Variants in ANK2 observed in about 807,000 individuals in gnomAD.
ANK2 encodes the protein ankyrin 2.
A neutral mutation model predicts 360.5 loss-of-function variants in ANK2; 83 were observed. The observed-to-expected ratio is 0.23, with a 90% CI of 0.19 to 0.28. ANK2 has a LOEUF of 0.28. Among genes scored for constraint, ANK2 ranks in the 10% least tolerant of loss-of-function variants. The pLI is 1.00. For synonymous variants in ANK2, 1,740 were observed against 1,759.5 expected, an observed-to-expected ratio of 0.99 and a Z score of 0.28; for missense variants, 4,201 against 4,795.7, an observed-to-expected ratio of 0.88 and a Z score of 3.66.
At chr4:113,124,549 G>C (rs13131795) in intron 1 of ANK2, among the ~76,000 whole-genome samples, 104,609 of 151,878 alleles carry the variant, frequency 0.69, 36,309 homozygotes, top group African/African-American at 0.72. Context: ...CTCTCTCACT[G>C]TCTTTCTGGT....
chr4:113,117,792 C>T (rs1271762703), intron 1 of ANK2, among the ~76,000 whole-genome samples: 2 of 152,026 alleles, frequency 1.3e-5, no homozygotes, highest in East Asian at 3.9e-4. Context: ...CTTCTTGTTC[C>T]TCATCTCTAT....
At chr4:112,904,467 A>C in exon 2 of ANK2, 1 of 1,487,832 alleles carries the variant, frequency 6.7e-7, no homozygotes, top group Non-Finnish European at 9.1e-7. Context: ...AAGTAATGAA[A>C]AGAGACATGA....
chr4:113,253,353 A>G (rs533445915), intron 10 of ANK2, among the ~76,000 whole-genome samples: 1 of 152,188 alleles, frequency 6.6e-6, no homozygotes, highest in East Asian at 1.9e-4. Context: ...CTCACTTACT[A>G]TGAAATCTCA....
At chr4:112,878,859 G>C (rs1366425571) in intron 1 of ANK2, among the ~76,000 whole-genome samples, 4 of 151,904 alleles carry the variant, frequency 2.6e-5, no homozygotes, top group Non-Finnish European at 5.9e-5. Flanking sequence ...TCCTGACCTC[G>C]TGATCTGCCC....
chr4:113,213,016 A>C (rs2099042887), intron 4 of ANK2, among the ~76,000 whole-genome samples: 1 of 152,224 alleles, frequency 6.6e-6, no homozygotes, highest in Admixed American at 6.5e-5. Flanking sequence ...TTAATTGTTA[A>C]AACACTTATA....
chr4:113,374,726 A>G, intron 45 of ANK2: 1 of 1,006,730 alleles, frequency 9.9e-7, no homozygotes, highest in Non-Finnish European at 1.2e-6. Context: ...TACATTTGGC[A>G]ATCAGACATT....
Position 112,863,578 on chromosome 4 carries a change from A to T in ANK2, c.-39-40877A>T, listed in dbSNP as rs572922044. On this transcript the variant is annotated intron_variant, in intron 1 of 30. Transcript: ENST00000503271. ...CGCTCTGTCACCCAGGCTGGAGTGC[A>T]GTGGCGCGATCTCGGCTCACTGCAA... is the stretch of plus-strand genomic sequence containing the variant. 1.9e-4 allele frequency among the ~76,000 whole-genome samples: 24 copies of T among 128,062 alleles called. No homozygotes were observed. In the East Asian group the frequency reaches 5.6e-3, roughly 30 times the overall value. 84.0% of individuals were successfully genotyped at this position (128,062 alleles called of 152,430 possible). A position where few individuals can be genotyped will look rare whatever the true frequency, so the allele number is the denominator to read the frequency against.
At position 113,049,682 on chromosome 4, in the gene ANK2, GC is replaced by G. The variant is rs1475310810; in HGVS notation, c.-46del. On this transcript the variant is annotated 5_prime_UTR_variant, in exon 1 of 46. Coordinates refer to ENST00000357077, the MANE Select transcript of ANK2 (RefSeq NM_001148.6). ...GCATACCCGCTAGTGGTCTGTACAG[GC>G]GGCACGGTTTGATGGCAGAGATATT... 6.2e-7 allele frequency: 1 copy of G among 1,603,954 alleles called. No homozygotes were observed. The highest frequency in any genetic ancestry group is 1.7e-5 in the Admixed American group (1 of 59,292).
chr4:113,276,088 C>A (rs2060154203), intron 15 of ANK2, among the ~76,000 whole-genome samples: 1 of 151,904 alleles, frequency 6.6e-6, no homozygotes, highest in South Asian at 2.1e-4. Context: ...ACTACAGGTG[C>A]CCTCCACCAC....
the ANK2 span, among the ~76,000 whole-genome samples, chr4:112,800,855 A>G: frequency 1.3e-5 from 2 of 152,244 alleles, no homozygotes; most frequent in East Asian, 1.9e-4. Flanking sequence ...GGGTTTCACC[A>G]TGTTGGCCAG....
chr4:113,125,608 T>G (rs2095618696), intron 1 of ANK2, among the ~76,000 whole-genome samples: 1 of 152,330 alleles, frequency 6.6e-6, no homozygotes, highest in African/African-American at 2.4e-5. Context: ...TATAAAATGA[T>G]AAGGATCTGA....
At chr4:112,803,303 A>T in the ANK2 span, among the ~76,000 whole-genome samples, 11 of 152,166 alleles carry the variant, frequency 7.2e-5, no homozygotes, top group African/African-American at 2.7e-4. Flanking sequence ...GGATCTTGAT[A>T]TGGCAAGATT....
chr4:113,172,955 A>G (rs1006499885), intron 1 of ANK2, among the ~76,000 whole-genome samples: 4 of 152,240 alleles, frequency 2.6e-5, no homozygotes, highest in African/African-American at 9.6e-5. Context: ...CAGTCGCTGC[A>G]GCATTGCAGA....
chr4:113,126,966 A>G (rs2095698033), intron 1 of ANK2, among the ~76,000 whole-genome samples: 2 of 152,158 alleles, frequency 1.3e-5, no homozygotes, highest in Non-Finnish European at 1.5e-5. Context: ...CTTCTGGGTT[A>G]TGTATTCTTT....
At chr4:112,787,470 G>T in the ANK2 span, among the ~76,000 whole-genome samples, 15 of 152,172 alleles carry the variant, frequency 9.9e-5, no homozygotes, top group African/African-American at 3.6e-4. Context: ...CCCAGGCTTT[G>T]TTTTCTGGTG....
chr4:113,178,423 T>A (rs2098297424), intron 2 of ANK2, among the ~76,000 whole-genome samples: 1 of 151,842 alleles, frequency 6.6e-6, no homozygotes, highest in Non-Finnish European at 1.5e-5. Context: ...TACAAAAAAA[T>A]TAGCCGGGCG....
chr4:112,719,016 A>G, the ANK2 span, among the ~76,000 whole-genome samples: 3 of 152,228 alleles, frequency 2.0e-5, no homozygotes, highest in South Asian at 2.1e-4. Flanking sequence ...CATTAGGACT[A>G]TAGATTACCA....
chr4:113,313,783 C>CGGGCG (rs1554478621), intron 24 of ANK2: 4 of 7,232 alleles, frequency 5.5e-4, no homozygotes, highest in African/African-American at 1.8e-3. Flanking sequence ...TGTGTGTTGC[C>CGGGCG]GGGGCGGGGG....
the ANK2 span, among the ~76,000 whole-genome samples, chr4:112,808,955 T>G: frequency 6.6e-6 from 1 of 152,024 alleles, no homozygotes; most frequent in African/African-American, 2.4e-5. Context: ...TCCCCCTGGA[T>G]TCAAGTGATT....
Sources: gnomAD v4.1 joint callset for allele counts (sites outside exome capture counted in the v4.1 genomes callset) on GRCh38, gnomAD v4.1.1 for gene constraint, MANE v1.5 for transcripts, NCBI Gene and HGNC (gene_info 2026-07-23, HGNC 2026-07-21) for gene names.